Variants in HDAC4 observed in about 807,000 individuals in gnomAD.
HDAC4 encodes histone deacetylase 4, also known as histone deacetylase A.
HDAC4 carries 16 observed loss-of-function variants against 135.1 expected under a neutral mutation model. That is an observed-to-expected ratio of 0.12 (90% CI 0.08 to 0.18). The LOEUF is 0.18. Ranked by LOEUF, HDAC4 falls within the 10% of genes least tolerant of loss-of-function variation. HDAC4 has a pLI of 1.00. For synonymous variants in HDAC4, 685 were observed against 653.4 expected, an observed-to-expected ratio of 1.05 and a Z score of -0.74; for missense variants, 1,143 against 1,511.8, an observed-to-expected ratio of 0.76 and a Z score of 4.05.
At chr2:239,201,019 G>T (rs2045724609) in intron 3 of HDAC4, among the ~76,000 whole-genome samples, 2 of 152,218 alleles carry the variant, frequency 1.3e-5, no homozygotes, top group Admixed American at 1.3e-4. Flanking sequence ...CACTACCGGG[G>T]AATCACAGGG....
At chr2:239,070,708 G>C (rs1381393082) in intron 22 of HDAC4, among the ~76,000 whole-genome samples, 2 of 152,206 alleles carry the variant, frequency 1.3e-5, no homozygotes, top group African/African-American at 2.4e-5. Context: ...AGGTGCAAGG[G>C]GCCTGTGCAG....
intron 6 of HDAC4, among the ~76,000 whole-genome samples, chr2:239,163,373 C>T (rs755088337): frequency 2.0e-5 from 3 of 152,168 alleles, no homozygotes; most frequent in African/African-American, 4.8e-5. Context: ...CACCAGCCTC[C>T]GGAGCACTGC....
intron 2 of HDAC4, among the ~76,000 whole-genome samples, chr2:239,273,898 GA>G (rs2050200570): frequency 6.6e-6 from 1 of 152,218 alleles, no homozygotes; most frequent in South Asian, 2.1e-4. Context: ...AAAAGAGACT[GA>G]AAACTTTTTG....
intron 3 of HDAC4, among the ~76,000 whole-genome samples, chr2:239,200,791 C>G (rs567800287): frequency 6.6e-6 from 1 of 152,020 alleles, no homozygotes; most frequent in Admixed American, 6.5e-5. Context: ...TTGCATTCGA[C>G]GCCGTGCTCG....
intron 14 of HDAC4, among the ~76,000 whole-genome samples, chr2:239,109,609 T>TA (rs10543545): frequency 0.19 from 27,045 of 145,226 alleles, 2,708 homozygotes; most frequent in East Asian, 0.29. Flanking sequence ...GGACTTCTGG[T>TA]AAAAAAAAAA....
intron 2 of HDAC4, among the ~76,000 whole-genome samples, chr2:239,337,040 G>A (rs1271037531): frequency 1.3e-5 from 2 of 152,306 alleles, no homozygotes; most frequent in East Asian, 3.9e-4. Flanking sequence ...TTTGTCTGAT[G>A]TTTTTCCCAT....
intron 2 of HDAC4, among the ~76,000 whole-genome samples, chr2:239,277,990 C>T (rs111454689): frequency 7.9e-4 from 116 of 147,596 alleles, no homozygotes; most frequent in Middle Eastern, 3.4e-3. Flanking sequence ...AGCCACACAC[C>T]CCAGCCACAC....
At chr2:239,229,767 G>A (rs998339876) in intron 3 of HDAC4, among the ~76,000 whole-genome samples, 5 of 152,088 alleles carry the variant, frequency 3.3e-5, no homozygotes, top group Non-Finnish European at 5.9e-5. Context: ...TAAGATAAGC[G>A]GAGATTCTCG....
Position 239,068,734 on chromosome 2 carries a change from G to C in HDAC4, c.2751-127C>G, listed in dbSNP as rs981283357. On this transcript the variant is annotated intron_variant, in intron 22 of 26. Transcript: ENST00000543185. The surrounding 1 kb of genome is among the most constrained non-coding windows in gnomAD (Gnocchi z 4.4). Reference sequence around the variant, plus strand: ...ACCCCCTCGGCCACTGGCGGGCTGAGGGCTCCACACAGCAGGCTGGAATCT... The same window carrying C: ...ACCCCCTCGGCCACTGGCGGGCTGACGGCTCCACACAGCAGGCTGGAATCT... The C allele has an allele frequency of 4.9e-6, 4 of 814,508 alleles. No homozygotes were observed. The African/African-American group carries it at 6.7e-5, about 14-fold the overall frequency. 50.5% of individuals were successfully genotyped at this position (814,508 alleles called of 1,614,324 possible).
intron 3 of HDAC4, among the ~76,000 whole-genome samples, chr2:239,222,385 GA>G (rs1182807973): frequency 2.6e-5 from 4 of 151,942 alleles, no homozygotes; most frequent in Admixed American, 2.6e-4. Context: ...TCCCCAGGAA[GA>G]AAAAAACATC....
intron 4 of HDAC4, among the ~76,000 whole-genome samples, chr2:239,179,160 C>T (rs1337410453): frequency 6.6e-6 from 1 of 152,186 alleles, no homozygotes; most frequent in African/African-American, 2.4e-5. Context: ...GCGTGCGAGG[C>T]AGCCACTGGA....
intron 4 of HDAC4, among the ~76,000 whole-genome samples, chr2:239,185,753 G>A (rs540906704): frequency 9.8e-5 from 15 of 152,320 alleles, no homozygotes; most frequent in Admixed American, 3.3e-4. Context: ...GAGAGAGGCC[G>A]GGCGCAGTGG....
chr2:239,306,940 C>T lies in HDAC4; in HGVS notation c.22+45738G>A, dbSNP rs886940492. On this transcript the variant is annotated intron_variant, in intron 2 of 26. Transcript: ENST00000543185. The surrounding 1 kb of genome is among the most constrained non-coding windows in gnomAD (Gnocchi z 4.5). ...CCTCCCGTGTGCACCTCCCCAAGGG[C>T]GCCTGCACCCTGGGCCCAGGGTAAC... Among the ~76,000 whole-genome samples the T allele has an allele frequency of 6.6e-6, 1 of 151,864 alleles. No homozygotes were observed. Among genetic ancestry groups the T allele is most frequent in the African/African-American group, 2.4e-5 (1 of 41,356 alleles).
chr2:239,084,311 A>G (rs1437573292), intron 19 of HDAC4, 69 bp from the exon 20 acceptor site: 1 of 1,097,730 alleles, frequency 9.1e-7, no homozygotes. Context: ...ACGGCCCGCC[A>G]GAGAGCCACT....
intron 1 of HDAC4, among the ~76,000 whole-genome samples, chr2:239,387,535 A>T (rs1424877405): frequency 6.6e-6 from 1 of 152,248 alleles, no homozygotes; most frequent in African/African-American, 2.4e-5. Flanking sequence ...GACGAGGCAC[A>T]GCACTCTGTG....
chr2:239,350,839 C>T (rs944325066), intron 2 of HDAC4, among the ~76,000 whole-genome samples: 6 of 152,134 alleles, frequency 3.9e-5, no homozygotes, highest in Admixed American at 6.5e-5. Context: ...TACATACAGA[C>T]GTCTTTAGAC....
In HDAC4 at chr2:239,260,044, C is replaced by G. The variant is rs71362000; in HGVS notation, c.23-23380G>C. Among the ~76,000 whole-genome samples, 34 of 152,236 alleles carry G rather than the reference C, an allele frequency of 2.2e-4. 1 individual carries two copies. Among genetic ancestry groups the G allele is most frequent in the Admixed American group, 2.0e-4 (3 of 15,288 alleles). ...GACACCGCTCCCTTGCCTTCCACCCCCAACGCTGTGATTGATTTCCTAACT... is the reference window on the plus strand; with the variant it reads ...GACACCGCTCCCTTGCCTTCCACCCGCAACGCTGTGATTGATTTCCTAACT... On this transcript the variant is annotated intron_variant, in intron 2 of 26. Transcript: ENST00000543185.
intron 17 of HDAC4, among the ~76,000 whole-genome samples, chr2:239,092,943 G>T (rs1267221792): frequency 6.6e-6 from 1 of 151,974 alleles, no homozygotes; most frequent in Non-Finnish European, 1.5e-5. Flanking sequence ...GGAAAAAGGC[G>T]GGGGGAAACA....
intron 4 of HDAC4, 106 bp downstream of exon 4, chr2:239,189,727 C>T (rs1336649872): frequency 1.9e-6 from 2 of 1,064,244 alleles, no homozygotes; most frequent in Non-Finnish European, 2.8e-6. Context: ...AGGAACCCTG[C>T]ATCATGCCTG....
Sources: allele counts gnomAD v4.1 joint callset (sites outside exome capture counted in the v4.1 genomes callset), GRCh38; gene constraint gnomAD v4.1.1; non-coding constraint Gnocchi (gnomAD v3.1); transcripts MANE v1.5; gene names NCBI Gene and HGNC (gene_info 2026-07-23, HGNC 2026-07-21).